Variants in PRKCE observed in about 807,000 individuals in gnomAD.
PRKCE encodes the protein protein kinase C epsilon type.
In PRKCE, 16 loss-of-function variants were observed where a neutral mutation model predicts 85.4. That is an observed-to-expected ratio of 0.19 (90% CI 0.13 to 0.28). PRKCE has a LOEUF of 0.28. Ranked by LOEUF, PRKCE falls within the 10% of genes least tolerant of loss-of-function variation. PRKCE has a pLI of 1.00. For synonymous variants in PRKCE, 388 were observed against 371.5 expected, an observed-to-expected ratio of 1.04 and a Z score of -0.51; for missense variants, 573 against 975.2, an observed-to-expected ratio of 0.59 and a Z score of 5.49.
At chr2:45,943,101 T>TG (rs1444583880) in intron 2 of PRKCE, among the ~76,000 whole-genome samples, 6 of 152,220 alleles carry the variant, frequency 3.9e-5, no homozygotes, top group Non-Finnish European at 7.3e-5. Flanking sequence ...AGAGGATGAT[T>TG]GTATCTCGGC....
At chr2:46,043,531 C>T (rs1243976524) in intron 10 of PRKCE, among the ~76,000 whole-genome samples, 2 of 152,086 alleles carry the variant, frequency 1.3e-5, no homozygotes, top group African/African-American at 4.8e-5. Flanking sequence ...GCCATTGTTG[C>T]CTATAAGGTA....
At chr2:45,914,428 G>C (rs967696939) in intron 2 of PRKCE, among the ~76,000 whole-genome samples, 9 of 152,206 alleles carry the variant, frequency 5.9e-5, no homozygotes, top group African/African-American at 1.9e-4. Flanking sequence ...TGGAGCTCAG[G>C]AGTGTTCTGT....
rs1342824133 is a variant in PRKCE, at chr2:45,885,001, A to ATATATT, written c.412+41939_412+41940insATATTT. 1.7e-3 allele frequency among the ~76,000 whole-genome samples: 120 copies of ATATATT among 71,536 alleles called. 10 individuals are homozygous for ATATATT. The highest frequency in any genetic ancestry group is 6.2e-3 in the African/African-American group (108 of 17,310). The allele number at this position is 71,536 out of a possible 152,430, so 46.9% of individuals were successfully genotyped here. A position where few individuals can be genotyped will look rare whatever the true frequency, so the allele number is the denominator to read the frequency against. ...TATATATATATATATATATATATAT[A>ATATATT]TTTGTTGTTGTTGTTGTTGTTTTAC... On this transcript the variant is annotated intron_variant, in intron 2 of 14. Coordinates refer to ENST00000306156, the MANE Select transcript of PRKCE (RefSeq NM_005400.3).
intron 10 of PRKCE, among the ~76,000 whole-genome samples, chr2:46,019,315 C>T (rs1368543522): frequency 1.3e-5 from 2 of 152,058 alleles, no homozygotes; most frequent in African/African-American, 4.8e-5. Context: ...GGAGAATTGG[C>T]GTGTCTAAAT....
At chr2:46,052,435 G>A (rs1481833035) in intron 10 of PRKCE, among the ~76,000 whole-genome samples, 1 of 152,170 alleles carries the variant, frequency 6.6e-6, no homozygotes, top group Non-Finnish European at 1.5e-5. Flanking sequence ...GAATAAATTT[G>A]ACAAAAGAAG....
intron 1 of PRKCE, among the ~76,000 whole-genome samples, chr2:45,769,172 G>C (rs1252205307): frequency 6.6e-6 from 1 of 152,144 alleles, no homozygotes; most frequent in East Asian, 1.9e-4. Context: ...CTGTGTGGGA[G>C]CCAGTGAGAC....
At position 46,138,755 on chromosome 2, in the gene PRKCE, G is replaced by A. The variant is rs991295071; in HGVS notation, c.1593-6338G>A. Among the ~76,000 whole-genome samples, 2 of 152,154 alleles carry A rather than the reference G, an allele frequency of 1.3e-5. No individual in the cohort carries two copies. Among genetic ancestry groups the A allele is most frequent in the Non-Finnish European group, 2.9e-5 (2 of 68,016 alleles). ...ACTAATAGCACCTAATGCATCTAAT[G>A]CATAACATCTCATAGCATCTAATGC... On this transcript the variant is annotated intron_variant, in intron 11 of 14. Transcript: ENST00000306156. The surrounding 1 kb of genome is among the most constrained non-coding windows in gnomAD (Gnocchi z 4.2).
chr2:46,150,930 T>A, intron 12 of PRKCE, 111 bp from the exon 13 acceptor site: 1 of 986,754 alleles, frequency 1.0e-6, no homozygotes, highest in Admixed American at 2.5e-5. Flanking sequence ...AGGACTCAAC[T>A]GTAGGGAGGA....
At chr2:46,019,158 G>A (rs184331469) in intron 10 of PRKCE, among the ~76,000 whole-genome samples, 22 of 152,356 alleles carry the variant, frequency 1.4e-4, no homozygotes, top group Admixed American at 1.4e-3. Context: ...TTTGTTCAAT[G>A]TCATTTCTTT....
chr2:46,159,309 G>C lies in PRKCE; in HGVS notation c.1921-297G>C, dbSNP rs781655200. 1.3e-5 allele frequency among the ~76,000 whole-genome samples: 2 copies of C among 152,172 alleles called. No homozygotes were observed. The highest frequency in any genetic ancestry group is 2.9e-5 in the Non-Finnish European group (2 of 68,032). On this transcript the variant is annotated intron_variant, in intron 13 of 14. Transcript: ENST00000306156. This position sits in a 1 kb window ranked among gnomAD's most constrained non-coding sequence, Gnocchi z 4.1. ...TAGCTGGGTGACTTTGGCCAAATTA[G>C]CTGACCTCTGTGTGCTTCTAGTGCC...
At chr2:45,992,378 C>G (rs1040749654) in intron 6 of PRKCE, among the ~76,000 whole-genome samples, 1 of 152,192 alleles carries the variant, frequency 6.6e-6, no homozygotes, top group African/African-American at 2.4e-5. Flanking sequence ...GTGATCAGGA[C>G]TCCAAAATCT....
chr2:45,694,859 A>T (rs1276334826), intron 1 of PRKCE, among the ~76,000 whole-genome samples: 2 of 152,202 alleles, frequency 1.3e-5, no homozygotes, highest in Non-Finnish European at 2.9e-5. Context: ...GGTTTTAAAT[A>T]TCAGGCTGAG....
rs1676966471 is a variant in PRKCE at position 45,682,322 on chromosome 2, A to G, written c.348+29874A>G. Among the ~76,000 whole-genome samples the G allele has an allele frequency of 5.9e-5, 9 of 152,348 alleles. No homozygotes were observed. The South Asian group carries it at 1.9e-3, about 32-fold the overall frequency. On this transcript the variant is annotated intron_variant, in intron 1 of 14. Coordinates refer to ENST00000306156, the MANE Select transcript of PRKCE (RefSeq NM_005400.3). ...TGTTTGATGAGCACCGATTTTACAG[A>G]GGGTGCCTGTCTGAGAGTACGAGGT...
intron 2 of PRKCE, among the ~76,000 whole-genome samples, chr2:45,844,015 A>T (rs1450624585): frequency 1.3e-5 from 2 of 152,166 alleles, no homozygotes; most frequent in African/African-American, 2.4e-5. Flanking sequence ...CTTTCACAAC[A>T]TCTCCCCAGA....
intron 2 of PRKCE, among the ~76,000 whole-genome samples, chr2:45,871,761 G>T (rs1694104202): frequency 6.6e-6 from 1 of 152,172 alleles, no homozygotes; most frequent in Admixed American, 6.5e-5. Flanking sequence ...GAGGAGGACT[G>T]AACTTCTCCA....
intron 2 of PRKCE, among the ~76,000 whole-genome samples, chr2:45,933,094 A>G (rs1214316716): frequency 6.6e-6 from 1 of 152,046 alleles, no homozygotes; most frequent in African/African-American, 2.4e-5. Context: ...GTGCCTTTTT[A>G]TATGTGCATC....
intron 6 of PRKCE, among the ~76,000 whole-genome samples, chr2:45,991,149 G>C (rs2104647298): frequency 6.6e-6 from 1 of 152,042 alleles, no homozygotes; most frequent in Non-Finnish European, 1.5e-5. Context: ...TGGGATTACA[G>C]GCACCTGCCA....
intron 10 of PRKCE, among the ~76,000 whole-genome samples, chr2:46,042,992 T>C (rs1489069136): frequency 6.6e-6 from 1 of 152,250 alleles, no homozygotes; most frequent in East Asian, 1.9e-4. Context: ...GGTAGTTTCC[T>C]GAGGGACCCT....
intron 1 of PRKCE, among the ~76,000 whole-genome samples, chr2:45,761,200 G>A (rs1359693646): frequency 6.6e-5 from 10 of 151,820 alleles, no homozygotes; most frequent in African/African-American, 2.2e-4. Flanking sequence ...GGTGGTGGGC[G>A]CCTGTGGTCT....
Sources: gnomAD v4.1 joint callset for allele counts (sites outside exome capture counted in the v4.1 genomes callset) on GRCh38, gnomAD v4.1.1 for gene constraint, Gnocchi (gnomAD v3.1) non-coding constraint, MANE v1.5 for transcripts, NCBI Gene and HGNC (gene_info 2026-07-23, HGNC 2026-07-21) for gene names.